BCAP31: variants seen among roughly 807,000 people sequenced by gnomAD.
The protein encoded by BCAP31 is B-cell receptor-associated protein 31.
For synonymous variants in BCAP31, 75 were observed against 80.9 expected (o/e 0.93, Z 0.39); for missense variants, 124 against 193.0 (o/e 0.64, Z 2.12).
At chrX:153,713,123 C>T (rs1211240871) in intron 4 of BCAP31, among the ~76,000 whole-genome samples, 3 of 111,189 alleles carry the variant, frequency 2.7e-5, no homozygotes, top group African/African-American at 9.8e-5. Flanking sequence ...AGGAGAATGG[C>T]GTGAACCCGG....
chrX:153,708,283 A>G (rs1463184642), intron 4 of BCAP31, among the ~76,000 whole-genome samples: 1 of 112,625 alleles, frequency 8.9e-6, no homozygotes, highest in Non-Finnish European at 1.9e-5. Context: ...AGGGCCAACC[A>G]TATCAAATGG....
chrX:153,716,153 C>T (rs1194588928), intron 3 of BCAP31, among the ~76,000 whole-genome samples: 1 of 103,121 alleles, frequency 9.7e-6, no homozygotes, highest in Non-Finnish European at 2.0e-5. Context: ...GGGACAAGAG[C>T]GAAACTCCAT....
At chrX:153,715,112 G>A (rs1180362658) in intron 4 of BCAP31, among the ~76,000 whole-genome samples, 2 of 111,865 alleles carry the variant, frequency 1.8e-5, no homozygotes, top group African/African-American at 6.5e-5. Flanking sequence ...GGTGAGGAGA[G>A]GCCCAGCCTC....
At chrX:153,706,183 C>T (rs2091553376) in intron 4 of BCAP31, among the ~76,000 whole-genome samples, 1 of 110,650 alleles carries the variant, frequency 9.0e-6, no homozygotes, top group African/African-American at 3.3e-5. Context: ...CCCTCACAGG[C>T]GCTCCCCACC....
intron 4 of BCAP31, among the ~76,000 whole-genome samples, chrX:153,708,417 T>G: frequency 8.9e-6 from 1 of 112,439 alleles, no homozygotes; most frequent in Non-Finnish European, 1.9e-5. Flanking sequence ...TTCCATGCTG[T>G]GGCCACCCCC....
rs1487322457 is a variant in BCAP31, at chrX:153,700,669, C to T, written c.*268G>A. The T allele has an allele frequency of 6.3e-6, 2 of 316,850 alleles. No homozygotes were observed. Among genetic ancestry groups the T allele is most frequent in the African/African-American group, 2.8e-5 (1 of 35,852 alleles). 26.1% of individuals were successfully genotyped at this position (316,850 alleles called of 1,213,427 possible). Reference sequence around the variant, plus strand: ...CTACAACTAACTCGTGCTCTCCACGCTCAGGCGTGGAAGCCAAGGCTGTGC... The same window carrying T: ...CTACAACTAACTCGTGCTCTCCACGTTCAGGCGTGGAAGCCAAGGCTGTGC... On this transcript the variant is annotated 3_prime_UTR_variant, in exon 8 of 8. Transcript: ENST00000345046.
intron 4 of BCAP31, among the ~76,000 whole-genome samples, chrX:153,715,188 C>T (rs1557049854): frequency 1.8e-5 from 2 of 111,739 alleles, no homozygotes; most frequent in Non-Finnish European, 3.8e-5. Context: ...CCCATTCAGT[C>T]GCTCCCTTGT....
intron 4 of BCAP31, among the ~76,000 whole-genome samples, chrX:153,707,386 G>A (rs1407008244): frequency 9.0e-6 from 1 of 110,716 alleles, no homozygotes; most frequent in Non-Finnish European, 1.9e-5. Flanking sequence ...AAAAAAAAGG[G>A]GGGGAGGGCG....
At chrX:153,723,315 T>C (rs782598791) in intron 1 of BCAP31, 27 bp from the exon 2 acceptor site, 2 of 1,170,869 alleles carry the variant, frequency 1.7e-6, no homozygotes, top group Admixed American at 2.5e-5. Flanking sequence ...GGTACGGGAC[T>C]TGTAAGCGCT....
chrX:153,715,410 G>A (rs17091297), intron 4 of BCAP31, 132 bp downstream of exon 4: 1 of 980,666 alleles, frequency 1.0e-6, no homozygotes, highest in Non-Finnish European at 1.4e-6. Context: ...ACACAGACAG[G>A]GCTTTGGGAT....
chrX:153,706,301 C>T (rs1489998741), intron 4 of BCAP31, among the ~76,000 whole-genome samples: 1 of 111,631 alleles, frequency 9.0e-6, no homozygotes, highest in African/African-American at 3.3e-5. Flanking sequence ...GGATCATTCT[C>T]CCCCCAGGAA....
chrX:153,710,052 G>A (rs1219150578), intron 4 of BCAP31, among the ~76,000 whole-genome samples: 1 of 112,574 alleles, frequency 8.9e-6, no homozygotes, highest in Non-Finnish European at 1.9e-5. Flanking sequence ...GGCAGCTGGA[G>A]GGGGTGTTCC....
Position 153,700,592 on chromosome X carries a change from A to C in BCAP31, c.*345T>G. ...GGACCAAAGAAAACACCCAGAGGGC[A>C]AAACAAAAAGGGGCTCAAACCAACA... On this transcript the variant is annotated 3_prime_UTR_variant, in exon 8 of 8. Transcript: ENST00000345046. The C allele has an allele frequency of 4.8e-6, 1 of 207,049 alleles. No homozygotes were observed. The allele number at this position is 207,049 out of a possible 1,213,427, so 17.1% of individuals were successfully genotyped here. A position where few individuals can be genotyped will look rare whatever the true frequency, so the allele number is the denominator to read the frequency against.
At chrX:153,704,191 A>C in intron 4 of BCAP31, 97 bp from the exon 5 acceptor site, 1 of 953,231 alleles carries the variant, frequency 1.0e-6, no homozygotes, top group Non-Finnish European at 1.4e-6. Flanking sequence ...ACCTAGCTCC[A>C]GCCTGGACCT....
chrX:153,713,878 ATTCTTTTTT>A (rs2091608569), intron 4 of BCAP31, among the ~76,000 whole-genome samples: 1 of 74,723 alleles, frequency 1.3e-5, no homozygotes, highest in Non-Finnish European at 2.5e-5. Flanking sequence ...TCCCGATACT[ATTCTTTTTT>A]TTTTTTTTTT....
At chrX:153,712,582 A>AGCATGTG (rs1224757731) in intron 4 of BCAP31, among the ~76,000 whole-genome samples, 3 of 111,173 alleles carry the variant, frequency 2.7e-5, no homozygotes, top group Non-Finnish European at 5.7e-5. Flanking sequence ...GTTTTTAAAA[A>AGCATGTG]GCATGTGGAG....
chrX:153,708,298 A>C (rs1169047142), intron 4 of BCAP31, among the ~76,000 whole-genome samples: 1 of 112,571 alleles, frequency 8.9e-6, no homozygotes, highest in Admixed American at 9.4e-5. Context: ...AAATGGAGAG[A>C]GCCATGGCTC....
intron 3 of BCAP31, among the ~76,000 whole-genome samples, chrX:153,719,379 G>C (rs782596630): frequency 8.9e-6 from 1 of 112,166 alleles, no homozygotes; most frequent in East Asian, 2.8e-4. Context: ...GAGAACCCTG[G>C]TTAGAAAGAG....
chrX:153,721,421 G>A (rs1557051030), intron 2 of BCAP31, among the ~76,000 whole-genome samples: 1 of 96,477 alleles, frequency 1.0e-5, no homozygotes, highest in Non-Finnish European at 2.1e-5. Context: ...GGGTGACAGA[G>A]CGAGACCTTG....
Sources: gnomAD v4.1 joint callset for allele counts (sites outside exome capture counted in the v4.1 genomes callset) on GRCh38, gnomAD v4.1.1 for gene constraint, MANE v1.5 for transcripts, NCBI Gene and HGNC (gene_info 2026-07-23, HGNC 2026-07-21) for gene names.